The following KLHL3 variants were observed in gnomAD, a reference collection of about 807,000 sequenced individuals.
KLHL3 encodes the protein kelch like family member 3, also known as kelch-like protein 3.
In KLHL3, 19 loss-of-function variants were observed where a neutral mutation model predicts 70.5. The ratio of observed to expected loss-of-function variants is 0.27; its 90% CI spans 0.19 to 0.40. KLHL3 has a LOEUF of 0.40. Among genes scored for constraint, KLHL3 ranks in the 10% least tolerant of loss-of-function variants. The probability of loss-of-function intolerance (pLI) is 1.00; values close to 1 mark genes in which losing one functional copy is unlikely to be tolerated. For synonymous variants in KLHL3, 258 were observed against 290.3 expected, an observed-to-expected ratio of 0.89 and a Z score of 1.13; for missense variants, 512 against 771.1, an observed-to-expected ratio of 0.66 and a Z score of 3.98.
intron 5 of KLHL3, among the ~76,000 whole-genome samples, chr5:137,680,351 T>C (rs1751992536): frequency 6.6e-6 from 1 of 152,226 alleles, no homozygotes; most frequent in African/African-American, 2.4e-5. Context: ...ATCCATTTTA[T>C]GGATGGCATG....
chr5:137,735,408 C>A (rs1175518018), intron 1 of KLHL3, among the ~76,000 whole-genome samples: 4 of 152,216 alleles, frequency 2.6e-5, no homozygotes, highest in Non-Finnish European at 4.4e-5. Context: ...CCTAGCAAAC[C>A]CAGACCTGCC....
At chr5:137,715,830 T>C (rs1483484492) in intron 2 of KLHL3, among the ~76,000 whole-genome samples, 1 of 152,238 alleles carries the variant, frequency 6.6e-6, no homozygotes, top group Admixed American at 6.5e-5. Flanking sequence ...CAGTAATATA[T>C]GTGTTGTCAC....
At position 137,625,835 on chromosome 5, in the gene KLHL3, C is replaced by T; in HGVS notation, c.1653G>A (p.Leu551=). 1.2e-6 allele frequency: 2 copies of T among 1,614,156 alleles called. No homozygotes were observed. Among genetic ancestry groups the T allele is most frequent in the Non-Finnish European group, 1.7e-6 (2 of 1,180,030 alleles). Reference sequence around the variant, plus strand: ...CAGGATTGTAGTACTCCACCGAAGCCAAGTTGCAGGATCCATCATCCCCTC... The same window carrying T: ...CAGGATTGTAGTACTCCACCGAAGCTAAGTTGCAGGATCCATCATCCCCTC... ...VVGGDDGSCN[L]ASVEYYNPVT... Residue 551 remains leucine (L), a synonymous_variant, in exon 14 of 15, where the codon TTG becomes TTA. Coordinates refer to ENST00000309755, the MANE Select transcript of KLHL3 (RefSeq NM_017415.3).
intron 6 of KLHL3, among the ~76,000 whole-genome samples, chr5:137,665,534 G>A (rs1029478064): frequency 6.6e-6 from 1 of 152,200 alleles, no homozygotes; most frequent in African/African-American, 2.4e-5. Flanking sequence ...AATGTTAATG[G>A]TGAGTTTAGG....
rs199948997 is a variant in KLHL3 at position 137,627,899 on chromosome 5, G to A, written c.1591+398C>T. Among the ~76,000 whole-genome samples, 15 of 152,304 alleles carry A rather than the reference G, an allele frequency of 9.8e-5. No individual in the cohort carries two copies. The South Asian group carries it at 2.5e-3, about 25-fold the overall frequency. On this transcript the variant is annotated intron_variant, in intron 13 of 14. Transcript: ENST00000309755. ...GGAAGTGAGAAGTTCTCCTAGCCAG[G>A]CACTGGCAAAGAAAAGATAGAACCA... is the stretch of plus-strand genomic sequence containing the variant.
At chr5:137,716,238 A>T (rs1752890494) in intron 2 of KLHL3, among the ~76,000 whole-genome samples, 1 of 151,044 alleles carries the variant, frequency 6.6e-6, no homozygotes, top group Non-Finnish European at 1.5e-5. Context: ...TTTTAATGAG[A>T]TGGGTCTCAC....
At chr5:137,670,958 C>A (rs1751741129) in intron 6 of KLHL3, among the ~76,000 whole-genome samples, 2 of 129,246 alleles carry the variant, frequency 1.5e-5, no homozygotes, top group South Asian at 5.3e-4. Context: ...GGGCAAAGAG[C>A]GAGACTCCAC....
chr5:137,701,906 C>A (rs558645200), intron 3 of KLHL3, among the ~76,000 whole-genome samples: 65 of 152,364 alleles, frequency 4.3e-4, no homozygotes, highest in African/African-American at 1.5e-3. Flanking sequence ...CTGTCAACTG[C>A]ATATCTTGTT....
rs1388975139 is a variant in KLHL3 at position 137,687,328 on chromosome 5, G to A, written c.526+4957C>T. Reference sequence around the variant, plus strand: ...CCGCCCGGCTGGCTGCCCCGTCCGGGAGGTGAGGGGCGCCTCTGCCCAGCC... The same window carrying A: ...CCGCCCGGCTGGCTGCCCCGTCCGGAAGGTGAGGGGCGCCTCTGCCCAGCC... On this transcript the variant is annotated intron_variant, in intron 5 of 14. Transcript: ENST00000309755. 1.1e-4 allele frequency among the ~76,000 whole-genome samples: 4 copies of A among 36,568 alleles called. 2 individuals carry two copies. Among genetic ancestry groups the A allele is most frequent in the South Asian group, 2.4e-3 (2 of 844 alleles). The allele number at this position is 36,568 out of a possible 152,430, so 24.0% of individuals were successfully genotyped here.
At chr5:137,658,315 C>G in intron 7 of KLHL3, 35 bp from the exon 8 acceptor site, 1 of 1,609,334 alleles carries the variant, frequency 6.2e-7, no homozygotes, top group South Asian at 1.1e-5. Flanking sequence ...TCCTGGAGCA[C>G]AGCTCAGCCA....
chr5:137,677,858 T>C (rs1213026710), intron 5 of KLHL3, among the ~76,000 whole-genome samples: 2 of 152,182 alleles, frequency 1.3e-5, no homozygotes, highest in African/African-American at 2.4e-5. Context: ...TCACCCACTA[T>C]GATCCTCTGT....
intron 13 of KLHL3, among the ~76,000 whole-genome samples, chr5:137,627,239 T>C (rs1057129872): frequency 6.6e-6 from 1 of 152,086 alleles, no homozygotes; most frequent in African/African-American, 2.4e-5. Context: ...GTAAAGTGAG[T>C]TTTTTTAAAA....
At position 137,692,639 on chromosome 5, in the gene KLHL3, G is replaced by C. The variant is rs1752350866; in HGVS notation, c.364-192C>G. ...TGCCCTTCACGGACCCTAAACACCA[G>C]CAGATTCTCTGTATCCCTACAGCCA... On this transcript the variant is annotated intron_variant, in intron 4 of 14. Coordinates refer to ENST00000309755, the MANE Select transcript of KLHL3 (RefSeq NM_017415.3). 1.4e-5 allele frequency: 8 copies of C among 576,652 alleles called. No individual in the cohort carries two copies. The South Asian group carries it at 1.5e-4, about 11-fold the overall frequency. The allele number at this position is 576,652 out of a possible 1,614,324, so 35.7% of individuals were successfully genotyped here. A position where few individuals can be genotyped will look rare whatever the true frequency, so the allele number is the denominator to read the frequency against.
chr5:137,720,006 C>T (rs1487705166), intron 2 of KLHL3, among the ~76,000 whole-genome samples: 1 of 152,004 alleles, frequency 6.6e-6, no homozygotes, highest in South Asian at 2.1e-4. Flanking sequence ...AAGCAGAGTT[C>T]GAAAGGGGAA....
rs1036652606 is a variant in KLHL3 at position 137,619,854 on chromosome 5, G to A, written c.*2244C>T. 2 of 152,578 alleles carry A rather than the reference G, an allele frequency of 1.3e-5. No individual in the cohort carries two copies. The highest frequency in any genetic ancestry group is 4.8e-5 in the African/African-American group (2 of 41,424). The allele number at this position is 152,578 out of a possible 1,614,324, so 9.5% of individuals were successfully genotyped here. On this transcript the variant is annotated 3_prime_UTR_variant, in exon 15 of 15. Coordinates refer to ENST00000309755, the MANE Select transcript of KLHL3 (RefSeq NM_017415.3). ...TCAGTGGAGGGACCCTTCCCCGGAA[G>A]ACGACACATAAAAGTAGCCTCTCCC...
At chr5:137,637,479 C>T in intron 10 of KLHL3, 84 bp from the exon 11 acceptor site, 1 of 1,198,446 alleles carries the variant, frequency 8.3e-7, no homozygotes, top group Admixed American at 1.8e-5. Context: ...GGGGAGGAGT[C>T]CAAATGCATG....
intron 3 of KLHL3, among the ~76,000 whole-genome samples, chr5:137,704,007 G>A (rs903848635): frequency 7.9e-5 from 12 of 152,008 alleles, no homozygotes; most frequent in African/African-American, 1.7e-4. Context: ...CCTTATACCC[G>A]TTACCTATAT....
intron 3 of KLHL3, among the ~76,000 whole-genome samples, chr5:137,704,634 C>T (rs1397819651): frequency 2.0e-5 from 3 of 152,194 alleles, no homozygotes; most frequent in Non-Finnish European, 4.4e-5. Flanking sequence ...AACAAGTCTA[C>T]CTCAGACCAT....
chr5:137,720,727 T>G, intron 1 of KLHL3, 143 bp from the exon 2 acceptor site: 2 of 1,474,036 alleles, frequency 1.4e-6, no homozygotes, highest in Non-Finnish European at 8.9e-7. Flanking sequence ...GGAAAGACAA[T>G]GTACTGGGAA....
Sources: gnomAD v4.1 joint callset for allele counts (sites outside exome capture counted in the v4.1 genomes callset) on GRCh38, gnomAD v4.1.1 for gene constraint, MANE v1.5 for transcripts, NCBI Gene and HGNC (gene_info 2026-07-23, HGNC 2026-07-21) for gene names.